PCDHGA9: variants seen among roughly 807,000 people sequenced by gnomAD.
PCDHGA9 encodes the protein protocadherin gamma subfamily A, 9, also known as protocadherin gamma-A9.
PCDHGA9 carries 37 observed loss-of-function variants against 62.5 expected under a neutral mutation model. That is an observed-to-expected ratio of 0.59 (90% CI 0.46 to 0.78). The LOEUF is 0.78. Among genes scored for constraint, PCDHGA9 ranks in the 30% least tolerant of loss-of-function variants. PCDHGA9 has a pLI of 0.00. For missense variants in PCDHGA9, 1,138 were observed against 1,166.2 expected (o/e 0.98, Z 0.35); for synonymous variants, 459 against 484.6 (o/e 0.95, Z 0.69).
At chr5:141,479,953 CAGTT>C (rs1198160373) in intron 1 of PCDHGA9, among the ~76,000 whole-genome samples, 1 of 152,182 alleles carries the variant, frequency 6.6e-6, no homozygotes, top group African/African-American at 2.4e-5. Flanking sequence ...TTGGATTTGG[CAGTT>C]AGTCAAATGA....
chr5:141,467,923 T>C lies in PCDHGA9; in HGVS notation c.2425-26884T>C, dbSNP rs190816380. Among the ~76,000 whole-genome samples the C allele has an allele frequency of 3.9e-3, 588 of 151,590 alleles. 5 individuals carry two copies. Among genetic ancestry groups the C allele is most frequent in the Admixed American group, 0.011 (168 of 15,214 alleles). ...ATCCGCCCACCTCAGCCTCCCAAAA[T>C]GCTAGGATTACAAGCATGAGCCACC... On this transcript the variant is annotated intron_variant, in intron 1 of 3. Coordinates refer to ENST00000573521, the MANE Select transcript of PCDHGA9 (RefSeq NM_018921.3).
In PCDHGA9 at chr5:141,490,935, G is replaced by A. The variant is rs1371144225; in HGVS notation, c.2425-3872G>A. On this transcript the variant is annotated intron_variant, in intron 1 of 3. Transcript: ENST00000573521. The surrounding 1 kb of genome is among the most constrained non-coding windows in gnomAD (Gnocchi z 5.4). ...AGAATGATAATGCCCCAGCTGTGCTGCACCCACGGCCAGACTGGGAACACT... is the reference window on the plus strand; with the variant it reads ...AGAATGATAATGCCCCAGCTGTGCTACACCCACGGCCAGACTGGGAACACT... 1.9e-6 allele frequency: 3 copies of A among 1,613,638 alleles called. No homozygotes were observed. The highest frequency in any genetic ancestry group is 2.2e-5 in the South Asian group (2 of 91,032).
At chr5:141,408,410 G>C (rs1329403051) in intron 1 of PCDHGA9, 1 of 1,613,932 alleles carries the variant, frequency 6.2e-7, no homozygotes, top group African/African-American at 1.3e-5. Flanking sequence ...GCGAGTGAGC[G>C]CGGAGAAGCT....
At chr5:141,506,188 C>T (rs925159785) in intron 3 of PCDHGA9, among the ~76,000 whole-genome samples, 2 of 152,058 alleles carry the variant, frequency 1.3e-5, no homozygotes, top group African/African-American at 4.8e-5. Flanking sequence ...TGGTGGCTCA[C>T]GCCTGTAATC....
chr5:141,470,358 A>G (rs1263824284), intron 1 of PCDHGA9, among the ~76,000 whole-genome samples: 2 of 152,174 alleles, frequency 1.3e-5, no homozygotes, highest in African/African-American at 4.8e-5. Context: ...AAATAGACAC[A>G]TTAGGTTGAA....
At chr5:141,473,810 G>A (rs549204595) in intron 1 of PCDHGA9, among the ~76,000 whole-genome samples, 1 of 152,334 alleles carries the variant, frequency 6.6e-6, no homozygotes, top group South Asian at 2.1e-4. Flanking sequence ...CTGAGGAGCA[G>A]CTGGACAATT....
At chr5:141,484,899 T>G (rs1296997337) in intron 1 of PCDHGA9, 9 of 398,498 alleles carry the variant, frequency 2.3e-5, no homozygotes, top group Non-Finnish European at 3.1e-5. Flanking sequence ...TCCCCTCCAA[T>G]GCTGCGACGC....
intron 1 of PCDHGA9, chr5:141,423,431 G>T: frequency 6.2e-7 from 1 of 1,614,010 alleles, no homozygotes; most frequent in South Asian, 1.1e-5. Context: ...GGGTTGGCAG[G>T]TATGCCCACG....
chr5:141,432,449 T>C lies in PCDHGA9; in HGVS notation c.2424+27073T>C. 5.6e-6 allele frequency: 9 copies of C among 1,614,220 alleles called. No individual in the cohort carries two copies. The highest frequency in any genetic ancestry group is 7.6e-6 in the Non-Finnish European group (9 of 1,180,038). On this transcript the variant is annotated intron_variant, in intron 1 of 3. Coordinates refer to ENST00000573521, the MANE Select transcript of PCDHGA9 (RefSeq NM_018921.3). The surrounding 1 kb of genome is among the most constrained non-coding windows in gnomAD (Gnocchi z 6.0). The stretch of plus-strand genomic sequence containing the variant: ...GAACGACAATGCGCCCGAGATCCTG[T>C]ACCCCGCCCTCCCCACGGACGGTTC...
chr5:141,438,615 TATATATATATATATATATATAC>T (rs1275224820), intron 1 of PCDHGA9, among the ~76,000 whole-genome samples: 95 of 35,914 alleles, frequency 2.6e-3, no homozygotes, highest in East Asian at 8.4e-3. Flanking sequence ...TATATATATA[TATATATATATATATATATATAC>T]ACACACACAC....
At chr5:141,419,265 C>T in intron 1 of PCDHGA9, 1 of 1,614,040 alleles carries the variant, frequency 6.2e-7, no homozygotes, top group Non-Finnish European at 8.5e-7. Flanking sequence ...CAGCCGGGTG[C>T]CTCCATAGCG....
intron 1 of PCDHGA9, among the ~76,000 whole-genome samples, chr5:141,449,673 G>A (rs7725811): frequency 0.049 from 7,346 of 150,528 alleles, 281 homozygotes; most frequent in African/African-American, 0.1. Flanking sequence ...AAGTGTGTAT[G>A]TATATATGTT....
chr5:141,477,296 G>C lies in PCDHGA9; in HGVS notation c.2425-17511G>C. On this transcript the variant is annotated intron_variant, in intron 1 of 3. Transcript: ENST00000573521. This position sits in a 1 kb window ranked among gnomAD's most constrained non-coding sequence, Gnocchi z 4.9. ...GCTGGTGACCTGCGAAGTTCCACCG[G>C]GTCTCCCTTTCAGCCTTACTTCTTC... 3 of 1,614,064 alleles carry C rather than the reference G, an allele frequency of 1.9e-6. No individual in the cohort carries two copies. Among genetic ancestry groups the C allele is most frequent in the African/African-American group, 1.3e-5 (1 of 75,014 alleles).
intron 1 of PCDHGA9, chr5:141,433,196 C>A (rs750657930): frequency 4.4e-6 from 7 of 1,575,116 alleles, no homozygotes; most frequent in African/African-American, 1.4e-5. Context: ...GAGTTTATAT[C>A]AAATCTTCTT....
At chr5:141,465,831 T>A (rs997004387) in intron 1 of PCDHGA9, among the ~76,000 whole-genome samples, 1 of 151,980 alleles carries the variant, frequency 6.6e-6, no homozygotes, top group African/African-American at 2.4e-5. Context: ...TTGTTTAAAA[T>A]TTCAACTGAG....
rs188953728 is a variant in PCDHGA9, at chr5:141,448,550, T to A, written c.2424+43174T>A. Among the ~76,000 whole-genome samples, 304 of 152,316 alleles carry A rather than the reference T, an allele frequency of 2.0e-3. 1 individual carries two copies. Among genetic ancestry groups the A allele is most frequent in the African/African-American group, 6.6e-3 (275 of 41,578 alleles). On this transcript the variant is annotated intron_variant, in intron 1 of 3. Transcript: ENST00000573521. ...CCTGTCAGCATTTCTTATGCAAATA[T>A]GTACATATATTTTTATTTCCCCATT...
rs776219135 is a variant in PCDHGA9, at chr5:141,403,980, A to G, written c.1028A>G (p.Asn343Ser). ...ATTTCGGTGGAAGATGTAAATGACA[A>G]TAGACCTGAAGTGACCATTACATCT... The part of the protein sequence containing the change: ...VLISVEDVND[N>S]RPEVTITSLF... The change falls in exon 1 of 4, where the codon AAT (asparagine) becomes AGT (serine). Residue 343 changes from asparagine to serine, a missense_variant. By Grantham distance (46) the Asn-to-Ser change is conservative (BLOSUM62 1). Coordinates refer to ENST00000573521, the MANE Select transcript of PCDHGA9 (RefSeq NM_018921.3). The G allele has an allele frequency of 5.0e-6, 8 of 1,613,890 alleles. No homozygotes were observed. In the South Asian group the frequency reaches 8.8e-5, roughly 18 times the overall value.
At chr5:141,415,024 G>T in intron 1 of PCDHGA9, 1 of 1,613,568 alleles carries the variant, frequency 6.2e-7, no homozygotes, top group Non-Finnish European at 8.5e-7. Flanking sequence ...CAAGGCCAGC[G>T]AGCCGGGACT....
intron 1 of PCDHGA9, chr5:141,415,772 T>TTA: frequency 7.5e-7 from 1 of 1,332,978 alleles, no homozygotes; most frequent in Non-Finnish European, 9.6e-7. Flanking sequence ...TTTTTTTTTT[T>TTA]ACTTTCTGGT....
Sources: allele counts gnomAD v4.1 joint callset (sites outside exome capture counted in the v4.1 genomes callset), GRCh38; gene constraint gnomAD v4.1.1; non-coding constraint Gnocchi (gnomAD v3.1); transcripts MANE v1.5; gene names NCBI Gene and HGNC (gene_info 2026-07-23, HGNC 2026-07-21).